Variants in NRXN3 observed in about 807,000 individuals in gnomAD.
NRXN3 encodes the protein neurexin 3.
A neutral mutation model predicts 137.6 loss-of-function variants in NRXN3; 32 were observed. That is an observed-to-expected ratio of 0.23 (90% confidence interval 0.18 to 0.31). The LOEUF (loss-of-function observed/expected upper bound fraction) is 0.31. Among genes scored for constraint, NRXN3 ranks in the 10% least tolerant of loss-of-function variants. The probability of loss-of-function intolerance (pLI) is 1.00; values close to 1 mark genes in which losing one functional copy is unlikely to be tolerated. For missense variants in NRXN3, 1,574 were observed against 2,062.5 expected (o/e 0.76, Z 4.59); for synonymous variants, 798 against 784.5 (o/e 1.02, Z -0.29).
chr14:78,349,681 C>T (rs929882646), intron 4 of NRXN3, among the ~76,000 whole-genome samples: 6 of 152,138 alleles, frequency 3.9e-5, no homozygotes, highest in African/African-American at 1.4e-4. Flanking sequence ...AAGATATGTC[C>T]CATCCTTGCT....
At chr14:78,641,813 T>A (rs1321441252) in intron 4 of NRXN3, among the ~76,000 whole-genome samples, 1 of 152,210 alleles carries the variant, frequency 6.6e-6, no homozygotes, top group East Asian at 1.9e-4. Flanking sequence ...TCGGTATAGT[T>A]GCATGGAGAT....
intron 1 of NRXN3, among the ~76,000 whole-genome samples, chr14:78,171,858 A>G (rs560764037): frequency 1.3e-5 from 2 of 152,288 alleles, no homozygotes; most frequent in African/African-American, 4.8e-5. Context: ...GGGTTTAGGT[A>G]AAGTAGGATT....
intron 11 of NRXN3, among the ~76,000 whole-genome samples, chr14:78,964,542 C>A (rs1349897203): frequency 1.3e-5 from 2 of 152,180 alleles, no homozygotes; most frequent in Non-Finnish European, 2.9e-5. Context: ...TATGTCACTT[C>A]TTCAGGAAAG....
intron 10 of NRXN3, among the ~76,000 whole-genome samples, chr14:78,862,620 G>A (rs191054127): frequency 1.6e-4 from 24 of 152,086 alleles, no homozygotes; most frequent in East Asian, 5.8e-4. Flanking sequence ...ATGGTTACCC[G>A]TTTAGTATTT....
intron 4 of NRXN3, among the ~76,000 whole-genome samples, chr14:78,477,817 T>C (rs1000780245): frequency 7.2e-5 from 11 of 152,132 alleles, no homozygotes; most frequent in African/African-American, 2.7e-4. Context: ...AACTAGAATG[T>C]GTTTAATTTT....
intron 19 of NRXN3, among the ~76,000 whole-genome samples, chr14:79,726,088 C>T (rs1345691124): frequency 6.6e-6 from 1 of 152,114 alleles, no homozygotes; most frequent in African/African-American, 2.4e-5. Context: ...AGTATTTGTG[C>T]CAATCTCTTT....
intron 15 of NRXN3, among the ~76,000 whole-genome samples, chr14:79,141,616 C>A (rs1170617852): frequency 6.6e-6 from 1 of 152,120 alleles, no homozygotes. Context: ...GAACTCCAGT[C>A]TTTTAGGCCA....
intron 15 of NRXN3, among the ~76,000 whole-genome samples, chr14:79,307,704 T>C (rs1263819660): frequency 6.6e-6 from 1 of 152,140 alleles, no homozygotes; most frequent in Non-Finnish European, 1.5e-5. Flanking sequence ...CAATGTCTGA[T>C]CCTAATTTTA....
At chr14:79,717,435 T>C (rs893547984) in intron 19 of NRXN3, among the ~76,000 whole-genome samples, 7 of 152,234 alleles carry the variant, frequency 4.6e-5, no homozygotes, top group Admixed American at 1.3e-4. Context: ...ATGTGTCTTT[T>C]GTTCTTAAAC....
At chr14:78,529,117 T>C (rs1290458660) in intron 4 of NRXN3, among the ~76,000 whole-genome samples, 1 of 152,178 alleles carries the variant, frequency 6.6e-6, no homozygotes, top group Non-Finnish European at 1.5e-5. Context: ...CAGGAGATTG[T>C]AACCTCATAA....
intron 15 of NRXN3, among the ~76,000 whole-genome samples, chr14:79,036,511 A>G (rs2099616248): frequency 4.6e-5 from 7 of 151,938 alleles, no homozygotes; most frequent in Admixed American, 4.6e-4. Flanking sequence ...AACAACAACT[A>G]AAATGGAAAA....
At chr14:79,438,182 T>G (rs2153564535) in intron 15 of NRXN3, among the ~76,000 whole-genome samples, 1 of 152,302 alleles carries the variant, frequency 6.6e-6, no homozygotes, top group South Asian at 2.1e-4. Context: ...GACTGTAGCC[T>G]TGTCTGGACT....
At chr14:79,802,116 T>C (rs1603538368) in intron 19 of NRXN3, among the ~76,000 whole-genome samples, 2 of 152,204 alleles carry the variant, frequency 1.3e-5, no homozygotes, top group South Asian at 4.1e-4. Flanking sequence ...AGTTAAAGAT[T>C]CAACTAATAT....
intron 4 of NRXN3, among the ~76,000 whole-genome samples, chr14:78,341,340 A>G (rs1477690197): frequency 1.3e-5 from 2 of 152,130 alleles, no homozygotes; most frequent in South Asian, 2.1e-4. Context: ...TCCCTTTCTA[A>G]CAAGCTCCCA....
chr14:78,792,969 A>G (rs928874167), intron 8 of NRXN3, among the ~76,000 whole-genome samples: 4 of 152,226 alleles, frequency 2.6e-5, no homozygotes, highest in Non-Finnish European at 4.4e-5. Flanking sequence ...TTACCATACA[A>G]TAACTTAACA....
intron 4 of NRXN3, among the ~76,000 whole-genome samples, chr14:78,497,011 C>T (rs1056035498): frequency 6.6e-6 from 1 of 152,020 alleles, no homozygotes; most frequent in South Asian, 2.1e-4. Context: ...CAGTTTCTTG[C>T]CCTATGATTC....
At chr14:78,225,894 G>T (rs17754806) in intron 1 of NRXN3, among the ~76,000 whole-genome samples, 7 of 151,624 alleles carry the variant, frequency 4.6e-5, no homozygotes, top group Non-Finnish European at 8.8e-5. Flanking sequence ...AACCCTGGCT[G>T]GGATCTTTGG....
intron 10 of NRXN3, among the ~76,000 whole-genome samples, chr14:78,889,160 C>T (rs554843368): frequency 8.3e-4 from 126 of 152,066 alleles, no homozygotes; most frequent in African/African-American, 2.2e-3. Context: ...CCGATTTTCA[C>T]ATCATCATTC....
chr14:78,732,946 T>C (rs2098523418), intron 8 of NRXN3, among the ~76,000 whole-genome samples: 1 of 152,158 alleles, frequency 6.6e-6, no homozygotes, highest in South Asian at 2.1e-4. Flanking sequence ...TGAAATTTGC[T>C]CAAGTCTGGG....
Sources: gnomAD v4.1 joint callset for allele counts (sites outside exome capture counted in the v4.1 genomes callset) on GRCh38, gnomAD v4.1.1 for gene constraint, MANE v1.5 for transcripts, NCBI Gene and HGNC (gene_info 2026-07-23, HGNC 2026-07-21) for gene names.